ITIH5: variants seen among roughly 807,000 people sequenced by gnomAD.
The protein encoded by ITIH5 is inter-alpha-trypsin inhibitor heavy chain 5.
Under a neutral mutation model 77.5 loss-of-function variants are expected in ITIH5, and 65 were observed. The observed-to-expected ratio is 0.84, with a 90% confidence interval of 0.69 to 1.03. ITIH5 has a LOEUF of 1.03. Among genes scored for constraint, ITIH5 ranks in the 50% least tolerant of loss-of-function variants. The probability of loss-of-function intolerance (pLI) is 0.00; values close to 1 mark genes in which losing one functional copy is unlikely to be tolerated. For synonymous variants in ITIH5, 525 were observed against 494.3 expected (o/e 1.06, Z -0.82); for missense variants, 1,208 against 1,213.1 (o/e 1.00, Z 0.06).
In ITIH5 at chr10:7,628,743, G is replaced by A. The variant is rs1384389453; in HGVS notation, c.652+8485C>T. Among the ~76,000 whole-genome samples, 21 of 134,404 alleles carry A rather than the reference G, an allele frequency of 1.6e-4. 6 individuals are homozygous for A. The highest frequency in any genetic ancestry group is 6.2e-4 in the East Asian group (3 of 4,812). 88.2% of individuals were successfully genotyped at this position (134,404 alleles called of 152,430 possible). A position where few individuals can be genotyped will look rare whatever the true frequency, so the allele number is the denominator to read the frequency against. On this transcript the variant is annotated intron_variant, in intron 5 of 13. Transcript: ENST00000397146. ...AGCGTGTGTCCATGTTGCAGCGTGT[G>A]TCCATGTTGCAGCGTGTGTCCATGT...
At chr10:7,640,722 G>A in intron 4 of ITIH5, 32 bp downstream of exon 4, 1 of 1,444,720 alleles carries the variant, frequency 6.9e-7, no homozygotes, top group Non-Finnish European at 9.7e-7. Context: ...TGCTAAAATG[G>A]GTTTTTAATT....
At position 7,583,798 on chromosome 10, in the gene ITIH5, C is replaced by T. The variant is rs1368131146; in HGVS notation, c.1108+2103G>A. ...ACAGGCAGAGGGACGGATTAGCTTT[C>T]CCGATGGCACACAGCCACCAGAGGC... On this transcript the variant is annotated intron_variant, in intron 8 of 13. Transcript: ENST00000397146. Among the ~76,000 whole-genome samples, 4 of 152,180 alleles carry T rather than the reference C, an allele frequency of 2.6e-5. No individual in the cohort carries two copies. The East Asian group carries it at 7.7e-4, about 29-fold the overall frequency.
In ITIH5 at chr10:7,562,008, C is replaced by G. The variant is rs1374256879; in HGVS notation, c.*1075G>C. ...TTTGTCCAAGTTTTGGAACCAAAGC[C>G]CCTGTCCACGAGCTGGTTTCCTGAC... On this transcript the variant is annotated 3_prime_UTR_variant, in exon 14 of 14. Coordinates refer to ENST00000397146, the MANE Select transcript of ITIH5 (RefSeq NM_030569.7). 3 of 152,130 alleles carry G rather than the reference C, an allele frequency of 2.0e-5. No homozygotes were observed. Among genetic ancestry groups the G allele is most frequent in the Non-Finnish European group, 1.5e-5 (1 of 68,042 alleles). The allele number at this position is 152,130 out of a possible 1,614,324, so 9.4% of individuals were successfully genotyped here. A position where few individuals can be genotyped will look rare whatever the true frequency, so the allele number is the denominator to read the frequency against.
intron 5 of ITIH5, among the ~76,000 whole-genome samples, chr10:7,629,716 C>T (rs1318811681): frequency 6.6e-6 from 1 of 152,196 alleles, no homozygotes; most frequent in Non-Finnish European, 1.5e-5. Context: ...TTTTTCCATT[C>T]ACCTGTTCAG....
chr10:7,613,734 G>A (rs116894208), intron 7 of ITIH5, among the ~76,000 whole-genome samples: 2,233 of 152,322 alleles, frequency 0.015, 26 homozygotes, highest in Non-Finnish European at 0.023. Context: ...GGGACCACTT[G>A]TGTCTCAAGG....
intron 10 of ITIH5, among the ~76,000 whole-genome samples, chr10:7,575,324 G>A (rs1832387938): frequency 6.6e-6 from 1 of 152,140 alleles, no homozygotes; most frequent in Non-Finnish European, 1.5e-5. Context: ...CTCACAGCTG[G>A]TCAGGAGGGT....
intron 1 of ITIH5, among the ~76,000 whole-genome samples, chr10:7,663,328 A>G (rs1834309059): frequency 6.6e-6 from 1 of 152,270 alleles, no homozygotes; most frequent in African/African-American, 2.4e-5. Context: ...AAAAGCAGCT[A>G]ATATTACCTA....
rs145318556 is a variant in ITIH5 at position 7,605,231 on chromosome 10, C to T, written c.939+10751G>A. ...CTGCCTCCACGCTTTGCACATGTCA[C>T]GCATCTCTCTCATTCTGCTTGGATC... On this transcript the variant is annotated intron_variant, in intron 7 of 13. Coordinates refer to ENST00000397146, the MANE Select transcript of ITIH5 (RefSeq NM_030569.7). 1.0e-3 allele frequency among the ~76,000 whole-genome samples: 155 copies of T among 151,656 alleles called. 1 individual carries two copies. Among genetic ancestry groups the T allele is most frequent in the African/African-American group, 3.3e-3 (136 of 41,352 alleles).
rs1201698809 is a variant in ITIH5, at chr10:7,624,823, ATGTG to A, written c.653-7545_653-7542del. On this transcript the variant is annotated intron_variant, in intron 5 of 13. Transcript: ENST00000397146. ...AATATATATATATATACACATATAT[ATGTG>A]TATATACATGTATATACACATATAT... 1.1e-4 allele frequency among the ~76,000 whole-genome samples: 15 copies of A among 136,292 alleles called. 2 individuals carry two copies. In the East Asian group the frequency reaches 2.7e-3, roughly 24 times the overall value. 89.4% of individuals were successfully genotyped at this position (136,292 alleles called of 152,430 possible).
intron 7 of ITIH5, among the ~76,000 whole-genome samples, chr10:7,592,919 G>A (rs1832823378): frequency 6.6e-6 from 1 of 152,118 alleles, no homozygotes; most frequent in Admixed American, 6.5e-5. Context: ...CAGTTCTCAG[G>A]CCCTCCTGAG....
intron 5 of ITIH5, among the ~76,000 whole-genome samples, chr10:7,628,003 A>G (rs1282350100): frequency 6.6e-6 from 1 of 151,688 alleles, no homozygotes; most frequent in African/African-American, 2.4e-5. Context: ...CACCAAGCCC[A>G]GCTCGTTTTT....
intron 7 of ITIH5, among the ~76,000 whole-genome samples, chr10:7,607,733 G>A (rs1833153765): frequency 6.6e-6 from 1 of 152,338 alleles, no homozygotes; most frequent in Middle Eastern, 3.4e-3. Context: ...AGAATTGCTT[G>A]AACCCAGGAG....
chr10:7,594,952 CT>C (rs1324288098), intron 7 of ITIH5, among the ~76,000 whole-genome samples: 1 of 152,208 alleles, frequency 6.6e-6, no homozygotes, highest in Non-Finnish European at 1.5e-5. Context: ...CGGGTTTCCC[CT>C]GGGGGGTCCG....
At chr10:7,632,923 TGG>T (rs763900493) in intron 5 of ITIH5, among the ~76,000 whole-genome samples, 32 of 152,232 alleles carry the variant, frequency 2.1e-4, no homozygotes, top group Non-Finnish European at 4.1e-4. Context: ...ATTGGAATCA[TGG>T]CAGGGGTAGT....
chr10:7,593,050 T>C (rs1205232691), intron 7 of ITIH5, among the ~76,000 whole-genome samples: 3 of 152,116 alleles, frequency 2.0e-5, no homozygotes, highest in Non-Finnish European at 4.4e-5. Flanking sequence ...TCCTTCACAG[T>C]GTGCCAAGAA....
chr10:7,597,616 G>C (rs1284513272), intron 7 of ITIH5, among the ~76,000 whole-genome samples: 1 of 142,232 alleles, frequency 7.0e-6, no homozygotes, highest in East Asian at 2.2e-4. Context: ...TCACCTTGGA[G>C]TCACCCCCTC....
chr10:7,659,712 A>G (rs1471876995), intron 1 of ITIH5, among the ~76,000 whole-genome samples: 1 of 152,186 alleles, frequency 6.6e-6, no homozygotes, highest in Non-Finnish European at 1.5e-5. Context: ...CTGGTTTTTC[A>G]TTTTTGAGAT....
intron 2 of ITIH5, among the ~76,000 whole-genome samples, chr10:7,645,305 C>A (rs1212046215): frequency 6.6e-6 from 1 of 152,022 alleles, no homozygotes; most frequent in African/African-American, 2.4e-5. Flanking sequence ...GGAAAAGAAA[C>A]CTTCCAGTTT....
intron 4 of ITIH5, among the ~76,000 whole-genome samples, chr10:7,637,810 G>A (rs553946864): frequency 2.6e-5 from 4 of 152,202 alleles, no homozygotes; most frequent in African/African-American, 9.7e-5. Flanking sequence ...TTGGAGTGAA[G>A]CTGTGAATTG....
Sources: allele counts gnomAD v4.1 joint callset (sites outside exome capture counted in the v4.1 genomes callset), GRCh38; gene constraint gnomAD v4.1.1; transcripts MANE v1.5; gene names NCBI Gene and HGNC (gene_info 2026-07-23, HGNC 2026-07-21).